Variants in CCDC170 observed in about 807,000 individuals in gnomAD.
CCDC170 encodes the protein coiled-coil domain-containing protein 170.
CCDC170 carries 69 observed loss-of-function variants against 72.6 expected under a neutral mutation model. That is an observed-to-expected ratio of 0.95 (90% CI 0.78 to 1.16). CCDC170 has a LOEUF of 1.16. CCDC170 is among the 50% of genes most tolerant of loss of function. The pLI is 0.00. For missense variants in CCDC170, 852 were observed against 832.5 expected (o/e 1.02, Z -0.29); for synonymous variants, 300 against 303.9 (o/e 0.99, Z 0.13).
intron 9 of CCDC170, among the ~76,000 whole-genome samples, chr6:151,604,182 C>G (rs1320550933): frequency 6.6e-6 from 1 of 152,150 alleles, no homozygotes; most frequent in Non-Finnish European, 1.5e-5. Context: ...CTTTATATCT[C>G]CCACACAAGA....
chr6:151,504,741 G>T (rs374712718), intron 1 of CCDC170, among the ~76,000 whole-genome samples: 3 of 151,886 alleles, frequency 2.0e-5, no homozygotes, highest in Admixed American at 6.6e-5. Flanking sequence ...GTCACTAGAC[G>T]GTTGGAAATG....
At chr6:151,597,721 T>C (rs12662670) in intron 9 of CCDC170, among the ~76,000 whole-genome samples, 1 of 152,138 alleles carries the variant, frequency 6.6e-6, no homozygotes, top group African/African-American at 2.4e-5. Flanking sequence ...AATGGAAACT[T>C]ACAAGAATTT....
intron 9 of CCDC170, among the ~76,000 whole-genome samples, chr6:151,614,490 T>A (rs1354287423): frequency 6.6e-6 from 1 of 152,216 alleles, no homozygotes; most frequent in Non-Finnish European, 1.5e-5. Flanking sequence ...AGTCTCGCTC[T>A]GTTGCCCAGG....
chr6:151,524,988 A>T (rs577200791), intron 1 of CCDC170, among the ~76,000 whole-genome samples: 24 of 131,420 alleles, frequency 1.8e-4, no homozygotes, highest in Admixed American at 1.0e-3. Flanking sequence ...GCTGGAGTGC[A>T]GTGGTGCAAT....
At chr6:151,504,849 G>A (rs1350728130) in intron 1 of CCDC170, among the ~76,000 whole-genome samples, 1 of 151,902 alleles carries the variant, frequency 6.6e-6, no homozygotes, top group Non-Finnish European at 1.5e-5. Context: ...GAATGTCCCA[G>A]TGATGAGGAG....
intron 4 of CCDC170, 125 bp from the exon 5 acceptor site, chr6:151,548,179 A>T: frequency 1.3e-6 from 1 of 769,106 alleles, no homozygotes; most frequent in Non-Finnish European, 1.9e-6. Context: ...TGACCTTTCC[A>T]GTCCATGTAG....
intron 5 of CCDC170, among the ~76,000 whole-genome samples, chr6:151,559,142 G>C (rs567409197): frequency 5.3e-5 from 8 of 151,068 alleles, no homozygotes; most frequent in Non-Finnish European, 1.2e-4. Context: ...TTCCTGAGTA[G>C]CTGGGACAAC....
intron 1 of CCDC170, among the ~76,000 whole-genome samples, chr6:151,514,842 T>C (rs2115028738): frequency 6.6e-6 from 1 of 152,298 alleles, no homozygotes; most frequent in African/African-American, 2.4e-5. Flanking sequence ...TCCATTCTTT[T>C]TGGATGAAGC....
At chr6:151,615,736 G>A (rs1776956081) in intron 10 of CCDC170, 57 bp downstream of exon 10, 8 of 1,209,006 alleles carry the variant, frequency 6.6e-6, no homozygotes, top group Non-Finnish European at 8.4e-6. Flanking sequence ...CAATTCAAGA[G>A]CTTGATATTA....
At chr6:151,521,652 G>A (rs1209705366) in intron 1 of CCDC170, among the ~76,000 whole-genome samples, 1 of 152,136 alleles carries the variant, frequency 6.6e-6, no homozygotes, top group Non-Finnish European at 1.5e-5. Flanking sequence ...ATGTCTTGAT[G>A]TCCCACTGTC....
At chr6:151,598,178 G>A (rs1251492238) in intron 9 of CCDC170, among the ~76,000 whole-genome samples, 1 of 152,118 alleles carries the variant, frequency 6.6e-6, no homozygotes, top group African/African-American at 2.4e-5. Context: ...TGGGTGGGGA[G>A]GAAATATCAG....
In CCDC170 at chr6:151,494,118, C is replaced by A. The variant is rs1390109821; in HGVS notation, c.-11C>A. 2 of 1,497,886 alleles carry A rather than the reference C, an allele frequency of 1.3e-6. No homozygotes were observed. The highest frequency in any genetic ancestry group is 1.8e-6 in the Non-Finnish European group (2 of 1,130,614). 92.8% of individuals were successfully genotyped at this position (1,497,886 alleles called of 1,614,324 possible). A position where few individuals can be genotyped will look rare whatever the true frequency, so the allele number is the denominator to read the frequency against. ...TTCCGGGTCCGAGCGCGCCCCCGGG[C>A]TCGGGTCGTCATGAGCCTGGACTGC... On this transcript the variant is annotated 5_prime_UTR_variant, in exon 1 of 11. Coordinates refer to ENST00000239374, the MANE Select transcript of CCDC170 (RefSeq NM_025059.4).
At chr6:151,582,291 C>T (rs1284054291) in intron 6 of CCDC170, among the ~76,000 whole-genome samples, 2 of 152,208 alleles carry the variant, frequency 1.3e-5, no homozygotes, top group African/African-American at 4.8e-5. Flanking sequence ...TACATCAGCA[C>T]TTACTGCTTT....
chr6:151,605,070 A>G (rs892067782), intron 9 of CCDC170, among the ~76,000 whole-genome samples: 3 of 152,154 alleles, frequency 2.0e-5, no homozygotes, highest in Non-Finnish European at 4.4e-5. Flanking sequence ...CCCAGCCTCT[A>G]ATAACCACAA....
At chr6:151,583,932 TGG>T (rs1260937538) in intron 6 of CCDC170, among the ~76,000 whole-genome samples, 2 of 152,222 alleles carry the variant, frequency 1.3e-5, no homozygotes, top group Non-Finnish European at 2.9e-5. Flanking sequence ...TGACTTATTA[TGG>T]GAGTGGTTTG....
intron 10 of CCDC170, among the ~76,000 whole-genome samples, chr6:151,617,408 CTTTTTTTTTTTTTTTTTTTTTTTTTTTTT>C (rs745655791): frequency 5.4e-4 from 49 of 91,466 alleles, no homozygotes; most frequent in African/African-American, 1.1e-3. Context: ...GCTGTTTGTT[CTTTTTTTTTTTTTTTTTTTTTTTTTTTTT>C]TTTTTTTTTT....
chr6:151,594,482 C>G (rs1331432439), intron 8 of CCDC170, among the ~76,000 whole-genome samples: 1 of 152,100 alleles, frequency 6.6e-6, no homozygotes, highest in Admixed American at 6.5e-5. Flanking sequence ...ACCCTATTAC[C>G]ATTAGAGACA....
chr6:151,548,304 C>T lies in CCDC170; in HGVS notation c.589C>T (p.Leu197Phe). ...KASDEDLILK[L>F]RDLRKENEFV... is the part of the protein sequence containing the mutation. ...ACAGCTGTAATTGCTTTCTCTTCAGCTTAGAGACCTGCGCAAAGAAAATGA... is the reference window on the plus strand; with the variant it reads ...ACAGCTGTAATTGCTTTCTCTTCAGTTTAGAGACCTGCGCAAAGAAAATGA... The change falls in exon 5 of 11, where the codon CTT (leucine) becomes TTT (phenylalanine). Residue 197 changes from leucine to phenylalanine, a missense_variant and splice_region_variant. Leu to Phe is a conservative substitution (Grantham distance 22). Transcript: ENST00000239374. The T allele has an allele frequency of 2.6e-6, 4 of 1,566,226 alleles. No individual in the cohort carries two copies. Among genetic ancestry groups the T allele is most frequent in the Non-Finnish European group, 2.6e-6 (3 of 1,155,094 alleles).
intron 5 of CCDC170, among the ~76,000 whole-genome samples, chr6:151,568,791 T>C (rs1298808395): frequency 6.6e-6 from 1 of 152,240 alleles, no homozygotes; most frequent in Admixed American, 6.5e-5. Flanking sequence ...GACTACATCA[T>C]ATTCTATAGT....
Sources: allele counts gnomAD v4.1 joint callset (sites outside exome capture counted in the v4.1 genomes callset), GRCh38; gene constraint gnomAD v4.1.1; transcripts MANE v1.5; gene names NCBI Gene and HGNC (gene_info 2026-07-23, HGNC 2026-07-21).